The following SLC7A11 variants were observed in gnomAD, a reference collection of about 807,000 sequenced individuals.
SLC7A11 encodes solute carrier family 7 member 11.
SLC7A11 carries 35 observed loss-of-function variants against 54.5 expected under a neutral mutation model. The ratio of observed to expected loss-of-function variants is 0.64; its 90% CI spans 0.49 to 0.85. The LOEUF (loss-of-function observed/expected upper bound fraction) is 0.85. Among genes scored for constraint, SLC7A11 ranks in the 40% least tolerant of loss-of-function variants. The pLI is 0.00. For synonymous variants in SLC7A11, 230 were observed against 225.2 expected, an observed-to-expected ratio of 1.02 and a Z score of -0.19; for missense variants, 583 against 618.1, an observed-to-expected ratio of 0.94 and a Z score of 0.60.
intron 5 of SLC7A11, among the ~76,000 whole-genome samples, chr4:138,215,540 T>G (rs562788255): frequency 6.6e-6 from 1 of 152,104 alleles, no homozygotes; most frequent in Non-Finnish European, 1.5e-5. Context: ...TAGAAATAAT[T>G]GAGGAGCTGA....
At chr4:138,226,850 A>G (rs1737959976) in intron 3 of SLC7A11, among the ~76,000 whole-genome samples, 1 of 152,218 alleles carries the variant, frequency 6.6e-6, no homozygotes, top group Non-Finnish European at 1.5e-5. Flanking sequence ...CACATGAGGA[A>G]ATAATTATAT....
At chr4:138,208,695 T>A (rs1323553684) in intron 6 of SLC7A11, among the ~76,000 whole-genome samples, 1 of 152,070 alleles carries the variant, frequency 6.6e-6, no homozygotes, top group African/African-American at 2.4e-5. Context: ...ATCTTCATGG[T>A]CCAAACTTTG....
chr4:138,235,954 A>C (rs1361953138), intron 2 of SLC7A11, among the ~76,000 whole-genome samples: 1 of 152,208 alleles, frequency 6.6e-6, no homozygotes, highest in Non-Finnish European at 1.5e-5. Context: ...GATATAATCT[A>C]CAATAAGAGA....
chr4:138,234,918 T>C (rs1002929072), intron 2 of SLC7A11, among the ~76,000 whole-genome samples: 1 of 152,226 alleles, frequency 6.6e-6, no homozygotes, highest in African/African-American at 2.4e-5. Context: ...GTACACAATA[T>C]ATTGTAACTT....
intron 4 of SLC7A11, among the ~76,000 whole-genome samples, 155 bp from the exon 5 acceptor site, chr4:138,219,520 T>C (rs1474278537): frequency 1.3e-5 from 2 of 152,210 alleles, no homozygotes; most frequent in Non-Finnish European, 2.9e-5. Flanking sequence ...GTACCCATTC[T>C]ATAGAAGGGG....
At chr4:138,213,385 A>C (rs1416244072) in intron 6 of SLC7A11, among the ~76,000 whole-genome samples, 1 of 152,072 alleles carries the variant, frequency 6.6e-6, no homozygotes, top group African/African-American at 2.4e-5. Context: ...CCAAGATACC[A>C]GGTGCCAGAA....
At chr4:138,187,686 T>G (rs555669310) in intron 6 of SLC7A11, among the ~76,000 whole-genome samples, 19 of 152,322 alleles carry the variant, frequency 1.2e-4, no homozygotes, top group African/African-American at 3.4e-4. Context: ...TACAGTTTTA[T>G]CTATCATAAA....
In SLC7A11 at chr4:138,222,060, T is replaced by C. The variant is rs116733137; in HGVS notation, c.646+1139A>G. On this transcript the variant is annotated intron_variant, in intron 4 of 11. Transcript: ENST00000280612. Reference sequence around the variant, plus strand: ...GCCAAGGTGTATTAGAAGAGCAAGCTCCTGTCTTCTCTTCAGTGCAAGCTC... The same window carrying C: ...GCCAAGGTGTATTAGAAGAGCAAGCCCCTGTCTTCTCTTCAGTGCAAGCTC... 9.5e-3 allele frequency among the ~76,000 whole-genome samples: 1,444 copies of C among 152,302 alleles called. 26 individuals carry two copies. Among genetic ancestry groups the C allele is most frequent in the African/African-American group, 0.033 (1,366 of 41,568 alleles).
chr4:138,233,632 C>T (rs780559993), intron 2 of SLC7A11, among the ~76,000 whole-genome samples: 1 of 152,176 alleles, frequency 6.6e-6, no homozygotes, highest in Non-Finnish European at 1.5e-5. Flanking sequence ...TGGAGAGCGG[C>T]ATAAGGTTTT....
intron 5 of SLC7A11, among the ~76,000 whole-genome samples, chr4:138,216,854 G>A (rs1737693138): frequency 6.6e-6 from 1 of 152,110 alleles, no homozygotes. Flanking sequence ...ATAGGGAGTG[G>A]AGAATCATTT....
intron 4 of SLC7A11, 97 bp downstream of exon 4, chr4:138,223,102 A>G: frequency 9.4e-7 from 1 of 1,064,882 alleles, no homozygotes; most frequent in East Asian, 2.4e-5. Flanking sequence ...ACAGGCAGAG[A>G]CTAATTAAGG....
At chr4:138,233,333 T>G (rs548916927) in intron 2 of SLC7A11, among the ~76,000 whole-genome samples, 315 of 152,050 alleles carry the variant, frequency 2.1e-3, no homozygotes, top group Middle Eastern at 0.02. Context: ...TACAGGTGCA[T>G]GCCACCATGC....
At chr4:138,223,371 CAA>C in intron 3 of SLC7A11, 47 bp from the exon 4 acceptor site, 1 of 1,603,346 alleles carries the variant, frequency 6.2e-7, no homozygotes, top group Non-Finnish European at 8.5e-7. Flanking sequence ...CTCACTGGCA[CAA>C]AGACATTTTA....
intron 10 of SLC7A11, 66 bp downstream of exon 10, chr4:138,180,575 T>G: frequency 1.3e-6 from 2 of 1,511,802 alleles, no homozygotes; most frequent in Non-Finnish European, 1.8e-6. Context: ...CAGCAAGTTA[T>G]GACAAAGGGA....
rs1736238994 is a variant in SLC7A11, at chr4:138,165,712, TAA to T, written c.*6242_*6243del. 1 of 152,150 alleles carries T rather than the reference TAA, an allele frequency of 6.6e-6. No individual in the cohort carries two copies. Among genetic ancestry groups the T allele is most frequent in the African/African-American group, 2.4e-5 (1 of 41,464 alleles). 9.4% of individuals were successfully genotyped at this position (152,150 alleles called of 1,614,324 possible). On this transcript the variant is annotated 3_prime_UTR_variant, in exon 12 of 12. Transcript: ENST00000280612. Reference sequence around the variant, plus strand: ...CTACTATAGATTCTAGGAATTGTCCTAAAAGAGTAAAGTGTTGTTTCCTTTCT... The same window carrying T: ...CTACTATAGATTCTAGGAATTGTCCTAAGAGTAAAGTGTTGTTTCCTTTCT...
At position 138,172,946 on chromosome 4, in the gene SLC7A11, C is replaced by T. The variant is rs571883076; in HGVS notation, c.1445-929G>A. ...GAAACCTCCACCTCCCAGATTCACG[C>T]GATTCTCCTGCCTCAGCCTCCCAAG... On this transcript the variant is annotated intron_variant, in intron 11 of 11. Coordinates refer to ENST00000280612, the MANE Select transcript of SLC7A11 (RefSeq NM_014331.4). Among the ~76,000 whole-genome samples, 11 of 152,138 alleles carry T rather than the reference C, an allele frequency of 7.2e-5. 1 individual carries two copies. Among genetic ancestry groups the T allele is most frequent in the East Asian group, 3.9e-4 (2 of 5,156 alleles).
intron 6 of SLC7A11, among the ~76,000 whole-genome samples, chr4:138,211,205 CAT>C (rs1208547003): frequency 2.6e-5 from 4 of 151,764 alleles, no homozygotes; most frequent in Non-Finnish European, 5.9e-5. Context: ...CTCATGAACA[CAT>C]AGACGGGAAC....
At chr4:138,233,489 T>G (rs1738132474) in intron 2 of SLC7A11, among the ~76,000 whole-genome samples, 1 of 152,064 alleles carries the variant, frequency 6.6e-6, no homozygotes, top group South Asian at 2.1e-4. Context: ...CGGCAGCAAT[T>G]ATCTAATTTC....
chr4:138,216,293 AG>A (rs750227867), intron 5 of SLC7A11, among the ~76,000 whole-genome samples: 49 of 152,338 alleles, frequency 3.2e-4, no homozygotes, highest in Admixed American at 5.9e-4. Context: ...AAATAATCCC[AG>A]CAAGTGCTTT....
Sources: gnomAD v4.1 joint callset for allele counts (sites outside exome capture counted in the v4.1 genomes callset) on GRCh38, gnomAD v4.1.1 for gene constraint, MANE v1.5 for transcripts, NCBI Gene and HGNC (gene_info 2026-07-23, HGNC 2026-07-21) for gene names.